Variants in CCNH observed in about 807,000 individuals in gnomAD.
CCNH encodes the protein cyclin-H.
In CCNH, 31 loss-of-function variants were observed where a neutral mutation model predicts 41.9. That is an observed-to-expected ratio of 0.74 (90% CI 0.56 to 1.00). The LOEUF (loss-of-function observed/expected upper bound fraction) is 1.00. Among genes scored for constraint, CCNH ranks in the 50% least tolerant of loss-of-function variants. The pLI is 0.00. For missense variants in CCNH, 362 were observed against 388.4 expected (o/e 0.93, Z 0.57); for synonymous variants, 138 against 136.1 (o/e 1.01, Z -0.10).
chr5:87,348,640 A>AT lies in CCNH; in HGVS notation c.*91-29744dup, dbSNP rs1004683068. 1.0e-3 allele frequency among the ~76,000 whole-genome samples: 147 copies of AT among 145,450 alleles called. No individual in the cohort carries two copies. In the East Asian group the frequency reaches 0.011, roughly 11 times the overall value. ...ATTTTATTACAGTTATTACTTTTTA[A>AT]TTTTTTTTTTTTTAAGATGCAGGAT... On this transcript the variant is annotated intron_variant and NMD_transcript_variant, in intron 9 of 9. Transcript: ENST00000645953.
At chr5:87,343,660 G>C (rs1235508907) in intron 9 of CCNH, among the ~76,000 whole-genome samples, 1 of 152,086 alleles carries the variant, frequency 6.6e-6, no homozygotes, top group Non-Finnish European at 1.5e-5. Flanking sequence ...GCACAGCATG[G>C]AAGTTCTTCA....
In CCNH at chr5:87,412,902, G is replaced by C; in HGVS notation, c.-108C>G. 1 of 1,503,906 alleles carries C rather than the reference G, an allele frequency of 6.6e-7. No individual in the cohort carries two copies. The highest frequency in any genetic ancestry group is 8.9e-7 in the Non-Finnish European group (1 of 1,126,450). The allele number at this position is 1,503,906 out of a possible 1,614,324, so 93.2% of individuals were successfully genotyped here. On this transcript the variant is annotated 5_prime_UTR_variant, in exon 1 of 9. Coordinates refer to ENST00000256897, the MANE Select transcript of CCNH (RefSeq NM_001239.4). ...CACCGAAGATCTCGCGGAAGCCTAG[G>C]GCGTCCGGCTAGCCGGCGCTGGCGC...
chr5:87,355,541 A>G lies in CCNH; in HGVS notation c.*91-36644T>C, dbSNP rs546202240. ...TGATCACTGACAATGCACCTCTACA[A>G]TCAAGAGCTCAGATAGAGATGTACA... is the stretch of plus-strand genomic sequence containing the variant. On this transcript the variant is annotated intron_variant and NMD_transcript_variant, in intron 9 of 9. Coordinates refer to the CCNH transcript ENST00000645953. Among the ~76,000 whole-genome samples the G allele has an allele frequency of 1.1e-3, 165 of 152,320 alleles. 1 individual carries two copies. In the South Asian group the frequency reaches 0.018, roughly 17 times the overall value.
rs537556907 is a variant in CCNH, at chr5:87,394,472, C to A, written c.946G>T (p.Asp316Tyr). 1 of 1,613,580 alleles carries A rather than the reference C, an allele frequency of 6.2e-7. No individual in the cohort carries two copies. Among genetic ancestry groups the A allele is most frequent in the Admixed American group, 1.7e-5 (1 of 60,004 alleles). The change falls in exon 9 of 9, where the codon GAT (aspartate) becomes TAT (tyrosine). Residue 316 changes from aspartate to tyrosine, a missense_variant. Transcript: ENST00000256897. Reference sequence around the variant, plus strand: ...TAGAGAGATTCTACCAGGTCGTCATCAGTCCATTCTTCCTAAGAAGGAAAA... The same window carrying A: ...TAGAGAGATTCTACCAGGTCGTCATAAGTCCATTCTTCCTAAGAAGGAAAA... ...KSKHEEEEWT[D>Y]DDLVESL
At chr5:87,396,728 A>G (rs1308852083) in intron 7 of CCNH, among the ~76,000 whole-genome samples, 2 of 152,216 alleles carry the variant, frequency 1.3e-5, no homozygotes, top group Non-Finnish European at 2.9e-5. Flanking sequence ...AATGTCCCAT[A>G]ATCAAGAAAA....
At chr5:87,342,078 G>T (rs1206440648) in intron 9 of CCNH, among the ~76,000 whole-genome samples, 1 of 151,842 alleles carries the variant, frequency 6.6e-6, no homozygotes, top group East Asian at 1.9e-4. Flanking sequence ...TTCCATTAGT[G>T]AGACTGTACC....
intron 6 of CCNH, among the ~76,000 whole-genome samples, chr5:87,400,617 G>A (rs3093821): frequency 0.047 from 7,076 of 152,092 alleles, 333 homozygotes; most frequent in African/African-American, 0.12. Context: ...CAGAGAATCA[G>A]GAAATGATAC....
At chr5:87,389,431 A>G, downstream of CCNH, 2 of 1,614,180 alleles carry the variant, frequency 1.2e-6, no homozygotes, top group African/African-American at 2.7e-5. Context: ...AGCATTCTAG[A>G]ACGGACCTGT....
intron 1 of CCNH, among the ~76,000 whole-genome samples, chr5:87,412,027 T>C (rs1265183407): frequency 1.3e-5 from 2 of 152,210 alleles, no homozygotes; most frequent in African/African-American, 2.4e-5. Context: ...TGGTTTGTAC[T>C]TGGTCTCTGG....
chr5:87,328,353 C>A (rs893708328), intron 9 of CCNH, among the ~76,000 whole-genome samples: 2 of 151,700 alleles, frequency 1.3e-5, no homozygotes, highest in East Asian at 3.9e-4. Flanking sequence ...AAAACGGTCA[C>A]CAGCAAATCT....
Position 87,396,621 on chromosome 5 carries a change from AAAAC to A in CCNH, c.873-1521_873-1518del, listed in dbSNP as rs533807025. ...GGTGACACAGCAAGACTCCATCTCAAAAACAAACAAACAAACAAAAAAGCCAGAA... is the reference window on the plus strand; with the variant it reads ...GGTGACACAGCAAGACTCCATCTCAAAAACAAACAAACAAAAAAGCCAGAA... On this transcript the variant is annotated intron_variant, in intron 7 of 8. Transcript: ENST00000256897. Among the ~76,000 whole-genome samples, 1,048 of 152,096 alleles carry A rather than the reference AAAAC, an allele frequency of 6.9e-3. 12 individuals are homozygous for A. Among genetic ancestry groups the A allele is most frequent in the Admixed American group, 0.027 (420 of 15,286 alleles).
At chr5:87,350,637 C>T (rs1227822506) in intron 9 of CCNH, among the ~76,000 whole-genome samples, 1 of 151,104 alleles carries the variant, frequency 6.6e-6, no homozygotes, top group Non-Finnish European at 1.5e-5. Context: ...TTGCTGAACA[C>T]CATGATGGAA....
Position 87,356,723 on chromosome 5 carries a change from A to C in CCNH, c.*90+36047T>G, listed in dbSNP as rs114860103. On this transcript the variant is annotated intron_variant and NMD_transcript_variant, in intron 9 of 9. Coordinates refer to the CCNH transcript ENST00000645953. ...TTTAAATTAACACGTGTACATTGTT[A>C]GACATAATGCTATTACACACTTAGT... Among the ~76,000 whole-genome samples the C allele has an allele frequency of 9.2e-3, 1,400 of 152,328 alleles. 28 individuals carry two copies. The highest frequency in any genetic ancestry group is 0.031 in the African/African-American group (1,301 of 41,570).
chr5:87,379,604 G>C, upstream of CCNH: 2 of 1,282,602 alleles, frequency 1.6e-6, no homozygotes, highest in African/African-American at 3.0e-5. Flanking sequence ...ATTATACAAA[G>C]AAAAAAGATC....
chr5:87,396,032 G>A (rs914571517), intron 7 of CCNH, among the ~76,000 whole-genome samples: 8 of 152,040 alleles, frequency 5.3e-5, no homozygotes, highest in African/African-American at 1.7e-4. Flanking sequence ...TAAACCAACT[G>A]CGGATTGAAA....
chr5:87,374,397 A>G (rs1215856183), downstream of CCNH: 2 of 1,298,650 alleles, frequency 1.5e-6, no homozygotes, highest in East Asian at 2.8e-5. Flanking sequence ...TGGTCTCTGT[A>G]TCTAAACCAT....
At chr5:87,327,110 A>G (rs1757288500) in intron 9 of CCNH, among the ~76,000 whole-genome samples, 1 of 152,172 alleles carries the variant, frequency 6.6e-6, no homozygotes, top group African/African-American at 2.4e-5. Context: ...GGTTCTTGGT[A>G]TCCATTAGGT....
At chr5:87,398,580 G>A (rs1211799175) in intron 7 of CCNH, among the ~76,000 whole-genome samples, 1 of 152,094 alleles carries the variant, frequency 6.6e-6, no homozygotes, top group Non-Finnish European at 1.5e-5. Context: ...AGCACAAATT[G>A]CCAATTTTAT....
downstream of CCNH, among the ~76,000 whole-genome samples, chr5:87,374,660 T>C (rs1158810997): frequency 6.6e-6 from 1 of 151,836 alleles, no homozygotes; most frequent in Non-Finnish European, 1.5e-5. Flanking sequence ...GAAAAGTGTG[T>C]AATCTGCGTG....
Sources: gnomAD v4.1 joint callset for allele counts (sites outside exome capture counted in the v4.1 genomes callset) on GRCh38, gnomAD v4.1.1 for gene constraint, MANE v1.5 for transcripts, NCBI Gene and HGNC (gene_info 2026-07-23, HGNC 2026-07-21) for gene names.